DIAPH2: variants seen among roughly 807,000 people sequenced by gnomAD.
The protein encoded by DIAPH2 is protein diaphanous homolog 2.
Under a neutral mutation model 92.7 loss-of-function variants are expected in DIAPH2, and 35 were observed. The observed-to-expected ratio is 0.38, with a 90% CI of 0.29 to 0.50. DIAPH2 has a LOEUF of 0.50. DIAPH2 is among the 20% of genes least tolerant of loss of function. The probability of loss-of-function intolerance (pLI) is 0.94; values close to 1 mark genes in which losing one functional copy is unlikely to be tolerated. For synonymous variants in DIAPH2, 301 were observed against 280.4 expected, an observed-to-expected ratio of 1.07 and a Z score of -0.73; for missense variants, 701 against 819.5, an observed-to-expected ratio of 0.86 and a Z score of 1.77.
Position 97,073,466 on chromosome X carries a change from A to G in DIAPH2, c.2152+424A>G, listed in dbSNP as rs994365592. 8.0e-5 allele frequency among the ~76,000 whole-genome samples: 9 copies of G among 112,275 alleles called. No individual in the cohort carries two copies. In the Admixed American group the frequency reaches 8.5e-4, roughly 11 times the overall value. Reference sequence around the variant, plus strand: ...AGTAATTGCGATGTGAGCTACTTAAATTGTTAACCTTAACTGCATTTAAAA... The same window carrying G: ...AGTAATTGCGATGTGAGCTACTTAAGTTGTTAACCTTAACTGCATTTAAAA... On this transcript the variant is annotated intron_variant, in intron 18 of 26. Coordinates refer to ENST00000324765, the MANE Select transcript of DIAPH2 (RefSeq NM_006729.5).
At chrX:96,948,890 C>T (rs1278036817) in intron 14 of DIAPH2, 45 bp from the exon 15 acceptor site, 1 of 891,856 alleles carries the variant, frequency 1.1e-6, no homozygotes. Flanking sequence ...TTAAAGCGTT[C>T]TGAAAACTAT....
intron 4 of DIAPH2, among the ~76,000 whole-genome samples, chrX:96,772,470 G>A (rs1004374395): frequency 2.7e-5 from 3 of 111,439 alleles, no homozygotes; most frequent in African/African-American, 9.8e-5. Flanking sequence ...TCCTGTCAGT[G>A]GTCCACTGAT....
At chrX:97,487,431 C>T (rs558932262) in intron 26 of DIAPH2, among the ~76,000 whole-genome samples, 10 of 110,860 alleles carry the variant, frequency 9.0e-5, no homozygotes, top group South Asian at 3.9e-4. Context: ...CGTGCCACCA[C>T]GCCCGGCTCA....
chrX:96,827,787 T>C (rs763095820), intron 4 of DIAPH2, among the ~76,000 whole-genome samples: 1 of 112,375 alleles, frequency 8.9e-6, no homozygotes, highest in Non-Finnish European at 1.9e-5. Flanking sequence ...AAAACACCAC[T>C]GTACACTTGT....
chrX:97,007,768 T>C (rs1364792486), intron 17 of DIAPH2, among the ~76,000 whole-genome samples: 4 of 96,481 alleles, frequency 4.1e-5, no homozygotes, highest in African/African-American at 1.5e-4. Flanking sequence ...TTTCTTTTTT[T>C]TTTTTTTTTT....
chrX:96,836,949 G>A (rs1048700302), intron 4 of DIAPH2, among the ~76,000 whole-genome samples: 1 of 103,299 alleles, frequency 9.7e-6, no homozygotes, highest in South Asian at 4.6e-4. Context: ...GGATGGTCTC[G>A]ATCTCCTGAC....
intron 22 of DIAPH2, among the ~76,000 whole-genome samples, chrX:97,145,914 C>G (rs2067243501): frequency 9.2e-6 from 1 of 108,338 alleles, no homozygotes; most frequent in Non-Finnish European, 1.9e-5. Context: ...ATGCTGCATC[C>G]TCTGGCTGGA....
intron 26 of DIAPH2, among the ~76,000 whole-genome samples, chrX:97,463,863 A>G (rs1299213282): frequency 9.0e-6 from 1 of 111,216 alleles, no homozygotes; most frequent in Non-Finnish European, 1.9e-5. Context: ...TGCTTGACCC[A>G]TCACTGTGCG....
rs1017750590 is a variant in DIAPH2, at chrX:97,047,932, C to T, written c.2051-25009C>T. ...TGGTGATGGTGTGATTTAATACTTCCGGTTTTCCTTTTATTCTGTAATATA... is the reference window on the plus strand; with the variant it reads ...TGGTGATGGTGTGATTTAATACTTCTGGTTTTCCTTTTATTCTGTAATATA... On this transcript the variant is annotated intron_variant, in intron 17 of 26. Transcript: ENST00000324765. 7.3e-5 allele frequency among the ~76,000 whole-genome samples: 8 copies of T among 110,021 alleles called. No individual in the cohort carries two copies. In the South Asian group the frequency reaches 1.2e-3, roughly 16 times the overall value.
intron 4 of DIAPH2, among the ~76,000 whole-genome samples, chrX:96,862,158 C>T (rs768163337): frequency 1.8e-5 from 2 of 111,745 alleles, no homozygotes; most frequent in Non-Finnish European, 3.8e-5. Context: ...TGGTTTACTA[C>T]CATATCCGTA....
chrX:96,783,979 A>G (rs1300567972), intron 4 of DIAPH2, among the ~76,000 whole-genome samples: 1 of 112,155 alleles, frequency 8.9e-6, no homozygotes, highest in Non-Finnish European at 1.9e-5. Flanking sequence ...GTAGACAGAC[A>G]GAGACATATT....
intron 24 of DIAPH2, among the ~76,000 whole-genome samples, chrX:97,379,050 C>T (rs1410876674): frequency 8.9e-6 from 1 of 111,802 alleles, no homozygotes; most frequent in Non-Finnish European, 1.9e-5. Flanking sequence ...CAACTATATT[C>T]ACGCGGGTAA....
intron 7 of DIAPH2, among the ~76,000 whole-genome samples, chrX:96,914,851 C>T (rs985776076): frequency 9.0e-6 from 1 of 111,444 alleles, no homozygotes; most frequent in Admixed American, 9.5e-5. Context: ...GAATTATAGA[C>T]ATGTGAAACA....
chrX:96,885,166 C>A, intron 5 of DIAPH2: 1 of 951,614 alleles, frequency 1.1e-6, no homozygotes, highest in Non-Finnish European at 1.4e-6. Context: ...GACCTGTTGA[C>A]TTTTTAGGAA....
At chrX:96,698,967 G>C in intron 1 of DIAPH2, among the ~76,000 whole-genome samples, 1 of 109,066 alleles carries the variant, frequency 9.2e-6, no homozygotes, top group East Asian at 2.9e-4. Context: ...CTGGCCTCAA[G>C]TGATCCTCCT....
intron 24 of DIAPH2, among the ~76,000 whole-genome samples, chrX:97,370,784 T>C (rs2069440653): frequency 9.0e-6 from 1 of 111,663 alleles, no homozygotes; most frequent in African/African-American, 3.3e-5. Flanking sequence ...AAATATGTGG[T>C]CAAAAATATT....
chrX:96,939,246 AT>A lies in DIAPH2; in HGVS notation c.1209-15del. ...GAGACTTCCATCAAGGATCTTTAATATTTTTCCTTTACTTTCTACTGATATG... is the reference window on the plus strand; with the variant it reads ...GAGACTTCCATCAAGGATCTTTAATATTTTCCTTTACTTTCTACTGATATG... On this transcript the variant is annotated intron_variant, in intron 11 of 26. Coordinates refer to ENST00000324765, the MANE Select transcript of DIAPH2 (RefSeq NM_006729.5). The A allele has an allele frequency of 1.4e-6, 1 of 735,732 alleles. No homozygotes were observed. Among genetic ancestry groups the A allele is most frequent in the Non-Finnish European group, 2.1e-6 (1 of 483,541 alleles). 60.6% of individuals were successfully genotyped at this position (735,732 alleles called of 1,213,427 possible). A position where few individuals can be genotyped will look rare whatever the true frequency, so the allele number is the denominator to read the frequency against.
chrX:96,691,974 T>C (rs1321647854), intron 1 of DIAPH2, among the ~76,000 whole-genome samples: 1 of 112,374 alleles, frequency 8.9e-6, no homozygotes, highest in Non-Finnish European at 1.9e-5. Context: ...TGTGATATCA[T>C]AGACATCCAG....
At chrX:96,736,475 C>T (rs921680761) in intron 2 of DIAPH2, among the ~76,000 whole-genome samples, 5 of 111,423 alleles carry the variant, frequency 4.5e-5, no homozygotes, top group African/African-American at 1.6e-4. Flanking sequence ...ACTGCAACCT[C>T]GCCTCACTGC....
Sources: allele counts gnomAD v4.1 joint callset (sites outside exome capture counted in the v4.1 genomes callset), GRCh38; gene constraint gnomAD v4.1.1; transcripts MANE v1.5; gene names NCBI Gene and HGNC (gene_info 2026-07-23, HGNC 2026-07-21).